The following MYH14 variants were observed in gnomAD, a reference collection of about 807,000 sequenced individuals.
The protein encoded by MYH14 is myosin-14.
A neutral mutation model predicts 255.5 loss-of-function variants in MYH14; 123 were observed. That is an observed-to-expected ratio of 0.48 (90% CI 0.42 to 0.56). The LOEUF (loss-of-function observed/expected upper bound fraction) is 0.56. MYH14 is among the 20% of genes least tolerant of loss of function. The pLI, the probability that MYH14 is intolerant of heterozygous loss-of-function variation, is 0.00. For synonymous variants in MYH14, 1,095 were observed against 1,161.2 expected (o/e 0.94, Z 1.16); for missense variants, 2,423 against 2,802.3 (o/e 0.86, Z 3.06).
intron 36 of MYH14, among the ~76,000 whole-genome samples, chr19:50,292,014 C>T (rs1322924017): frequency 6.6e-6 from 1 of 152,230 alleles, no homozygotes; most frequent in Non-Finnish European, 1.5e-5. Context: ...CAGGCTCCAT[C>T]AGGCTTCCAG....
chr19:50,210,678 A>G lies in MYH14; in HGVS notation c.313A>G (p.Ser105Gly). The change falls in exon 2 of 43, where the codon AGC (serine) becomes GGC (glycine). Residue 105 changes from serine (S) to glycine (G), a missense_variant. Physicochemically the swap from Ser to Gly is moderately conservative, Grantham distance 56 (BLOSUM62 0). Coordinates refer to ENST00000642316, the MANE Select transcript of MYH14 (RefSeq NM_001145809.2). ...CCAGCGCATGAACCCGCCCAAGTTC[A>G]GCAAGGCCGAGGACATGGCCGAGCT... The part of the protein sequence containing the change: ...QIQRMNPPKF[S>G]KAEDMAELTC... 2 of 1,570,452 alleles carry G rather than the reference A, an allele frequency of 1.3e-6. No individual in the cohort carries two copies.
chr19:50,253,762 C>G (rs975515122), intron 16 of MYH14, among the ~76,000 whole-genome samples: 7 of 152,144 alleles, frequency 4.6e-5, no homozygotes, highest in Admixed American at 2.6e-4. Flanking sequence ...CCCTGCCCCC[C>G]CATCCTTAGA....
intron 5 of MYH14, among the ~76,000 whole-genome samples, 178 bp downstream of exon 5, chr19:50,223,527 G>A (rs894606976): frequency 2.0e-5 from 3 of 152,226 alleles, no homozygotes; most frequent in Admixed American, 2.0e-4. Flanking sequence ...GGGGGACACA[G>A]AGGTGTGAGG....
At chr19:50,272,795 G>C (rs1324384530) in intron 27 of MYH14, 64 bp downstream of exon 27, 2 of 1,499,656 alleles carry the variant, frequency 1.3e-6, no homozygotes, top group Non-Finnish European at 1.8e-6. Context: ...AGCGTGGGGT[G>C]CCCAAGTCAG....
intron 7 of MYH14, 122 bp downstream of exon 7, chr19:50,225,799 C>A: frequency 1.6e-6 from 1 of 616,250 alleles, no homozygotes. Context: ...GGGGTCTGGA[C>A]TCTTGAGTCT....
In MYH14 at chr19:50,280,346, A is replaced by G; in HGVS notation, c.4253A>G (p.Glu1418Gly). Residue 1418 changes from glutamate (E) to glycine (G), a missense_variant, in exon 32 of 43, where the codon GAA becomes GGA. Coordinates refer to ENST00000642316, the MANE Select transcript of MYH14 (RefSeq NM_001145809.2). The surrounding 1 kb of genome is among the most constrained non-coding windows in gnomAD (Gnocchi z 4.8). Reference sequence around the variant, plus strand: ...CTGGAGGAGGAGGCAGCTGCCAGGGAACGGGCGGGCCGTGAACTGCAGACT... The same window carrying G: ...CTGGAGGAGGAGGCAGCTGCCAGGGGACGGGCGGGCCGTGAACTGCAGACT... ...EQLEEEAAARERAGRELQTAQ... is the reference protein window; with the variant it reads ...EQLEEEAAARGRAGRELQTAQ... 1.3e-6 allele frequency: 2 copies of G among 1,548,286 alleles called. No individual in the cohort carries two copies. The highest frequency in any genetic ancestry group is 1.4e-5 in the African/African-American group (1 of 73,084).
At chr19:50,264,048 T>A (rs1419997201) in intron 22 of MYH14, among the ~76,000 whole-genome samples, 1 of 39,468 alleles carries the variant, frequency 2.5e-5, no homozygotes, top group African/African-American at 1.1e-4. Context: ...ACAGCAAAAC[T>A]CTGTCTCAAA....
At chr19:50,228,435 C>A (rs1323374911) in intron 8 of MYH14, among the ~76,000 whole-genome samples, 2 of 152,162 alleles carry the variant, frequency 1.3e-5, no homozygotes, top group African/African-American at 4.8e-5. Context: ...CACGCTCTTC[C>A]ATAATCAGTG....
intron 1 of MYH14, among the ~76,000 whole-genome samples, chr19:50,204,044 G>A (rs2031598776): frequency 6.6e-6 from 1 of 152,218 alleles, no homozygotes; most frequent in Non-Finnish European, 1.5e-5. Context: ...GTTCTCACGT[G>A]TCAGAATCGG....
At chr19:50,279,979 TG>T in intron 30 of MYH14, 57 bp from the exon 31 acceptor site, 1 of 1,240,170 alleles carries the variant, frequency 8.1e-7, no homozygotes, top group Non-Finnish European at 1.2e-6. Flanking sequence ...TTGAGGCAGA[TG>T]GGGTCACTGG....
At chr19:50,260,130 A>C (rs2034767664) in intron 19 of MYH14, among the ~76,000 whole-genome samples, 1 of 152,118 alleles carries the variant, frequency 6.6e-6, no homozygotes. Flanking sequence ...TACATCCAAA[A>C]TACTGGCCAA....
intron 10 of MYH14, among the ~76,000 whole-genome samples, chr19:50,241,735 C>T (rs2123275004): frequency 6.6e-6 from 1 of 152,038 alleles, no homozygotes; most frequent in East Asian, 1.9e-4. Context: ...CTCGACTTTC[C>T]AGGCTCAGGT....
intron 1 of MYH14, among the ~76,000 whole-genome samples, chr19:50,209,903 GC>G (rs1443175793): frequency 6.6e-6 from 1 of 151,342 alleles, no homozygotes; most frequent in African/African-American, 2.4e-5. Context: ...TTCGAGACCA[GC>G]CTGGCCAACA....
Position 50,230,817 on chromosome 19 carries a change from G to A in MYH14, c.973+194G>A. The A allele has an allele frequency of 5.1e-6, 3 of 589,442 alleles. No homozygotes were observed. The highest frequency in any genetic ancestry group is 9.1e-6 in the Non-Finnish European group (3 of 330,316). 36.5% of individuals were successfully genotyped at this position (589,442 alleles called of 1,614,324 possible). On this transcript the variant is annotated intron_variant, in intron 9 of 42. Transcript: ENST00000642316. This position sits in a 1 kb window ranked among gnomAD's most constrained non-coding sequence, Gnocchi z 4.7. Reference sequence around the variant, plus strand: ...CGCACGGTGGGTTCTGCTGCGCTCTGGTTCCAGCTCTGTCCCGGGTCTGGC... The same window carrying A: ...CGCACGGTGGGTTCTGCTGCGCTCTAGTTCCAGCTCTGTCCCGGGTCTGGC...
At chr19:50,209,080 G>T (rs977091349) in intron 1 of MYH14, among the ~76,000 whole-genome samples, 1 of 152,082 alleles carries the variant, frequency 6.6e-6, no homozygotes, top group Admixed American at 6.6e-5. Context: ...ATCACCTGAG[G>T]CTGGGAAGTC....
At chr19:50,285,625 C>T (rs954319098) in intron 33 of MYH14, 3 of 152,210 alleles carry the variant, frequency 2.0e-5, no homozygotes, top group South Asian at 2.1e-4. Context: ...TTATATATTT[C>T]ATTGGATTTT....
chr19:50,289,656 C>G lies in MYH14; in HGVS notation c.4965+8C>G, dbSNP rs752528237. ...AGGCAGCTGGCCAAGCAGGTATTGTCACACAGAAGGCCACAGGGTGCCAGT... is the reference window on the plus strand; with the variant it reads ...AGGCAGCTGGCCAAGCAGGTATTGTGACACAGAAGGCCACAGGGTGCCAGT... On this transcript the variant is annotated splice_region_variant and intron_variant, in intron 35 of 42. Coordinates refer to ENST00000642316, the MANE Select transcript of MYH14 (RefSeq NM_001145809.2). 6.2e-7 allele frequency: 1 copy of G among 1,600,972 alleles called. No individual in the cohort carries two copies. Among genetic ancestry groups the G allele is most frequent in the South Asian group, 1.1e-5 (1 of 89,228 alleles).
chr19:50,218,325 G>A (rs1046097677), intron 3 of MYH14, among the ~76,000 whole-genome samples: 27 of 152,054 alleles, frequency 1.8e-4, no homozygotes, highest in Non-Finnish European at 2.6e-4. Flanking sequence ...GGCCAGGCGC[G>A]GTGGCTCACG....
At chr19:50,272,841 C>A in intron 27 of MYH14, 110 bp downstream of exon 27, 1 of 1,111,186 alleles carries the variant, frequency 9.0e-7, no homozygotes, top group Non-Finnish European at 1.3e-6. Flanking sequence ...GAGCCACTCA[C>A]CAGCCACAGA....
Sources: gnomAD v4.1 joint callset for allele counts (sites outside exome capture counted in the v4.1 genomes callset) on GRCh38, gnomAD v4.1.1 for gene constraint, Gnocchi (gnomAD v3.1) non-coding constraint, MANE v1.5 for transcripts, NCBI Gene and HGNC (gene_info 2026-07-23, HGNC 2026-07-21) for gene names.